The following SIPA1L3 variants were observed in gnomAD, a reference collection of about 807,000 sequenced individuals.
SIPA1L3 encodes signal induced proliferation associated 1 like 3.
Under a neutral mutation model 150.1 loss-of-function variants are expected in SIPA1L3, and 59 were observed. That is an observed-to-expected ratio of 0.39 (90% CI 0.32 to 0.49). The LOEUF (loss-of-function observed/expected upper bound fraction) is 0.49, where lower values mean the gene tolerates loss of function less well. Ranked by LOEUF, SIPA1L3 falls within the 20% of genes least tolerant of loss-of-function variation. The pLI is 0.86. For missense variants in SIPA1L3, 2,211 were observed against 2,489.5 expected (o/e 0.89, Z 2.38); for synonymous variants, 1,070 against 1,077.6 (o/e 0.99, Z 0.14).
intron 1 of SIPA1L3, among the ~76,000 whole-genome samples, chr19:37,996,805 C>T (rs112840081): frequency 3.0e-4 from 46 of 152,102 alleles, no homozygotes; most frequent in Non-Finnish European, 5.6e-4. Flanking sequence ...AAGCAATTCT[C>T]CCTGCCTTAA....
At chr19:37,985,786 G>T (rs1005646369) in intron 1 of SIPA1L3, among the ~76,000 whole-genome samples, 2 of 152,170 alleles carry the variant, frequency 1.3e-5, no homozygotes, top group Non-Finnish European at 2.9e-5. Flanking sequence ...GAAGAGAGGT[G>T]GTGGGCCCAG....
intron 4 of SIPA1L3, among the ~76,000 whole-genome samples, chr19:38,089,806 G>C (rs1970221538): frequency 6.6e-6 from 1 of 152,248 alleles, no homozygotes; most frequent in African/African-American, 2.4e-5. Flanking sequence ...GTCAGAAATA[G>C]CATTCATTGG....
intron 1 of SIPA1L3, among the ~76,000 whole-genome samples, chr19:38,018,233 G>A (rs1337666001): frequency 2.2e-5 from 3 of 135,738 alleles, no homozygotes; most frequent in African/African-American, 5.8e-5. Context: ...GTATGATCTC[G>A]GCTCATGGTA....
chr19:38,163,501 A>C lies in SIPA1L3; in HGVS notation c.3781-978A>C, dbSNP rs923290132. Among the ~76,000 whole-genome samples, 5 of 151,748 alleles carry C rather than the reference A, an allele frequency of 3.3e-5. No homozygotes were observed. The South Asian group carries it at 8.4e-4, about 25-fold the overall frequency. On this transcript the variant is annotated intron_variant, in intron 14 of 21. Transcript: ENST00000222345. ...TGAGACTCTATCTCAAAAAAAAAAA[A>C]AAAAAAAAAACAGTCCAGGGGAGAG...
intron 16 of SIPA1L3, among the ~76,000 whole-genome samples, chr19:38,191,771 A>C (rs1972808610): frequency 6.6e-6 from 1 of 151,540 alleles, no homozygotes; most frequent in Admixed American, 6.6e-5. Context: ...ATATCACACC[A>C]CTGCACTCCA....
chr19:37,959,718 T>C (rs1439965916), intron 1 of SIPA1L3, among the ~76,000 whole-genome samples: 1 of 152,182 alleles, frequency 6.6e-6, no homozygotes, highest in Non-Finnish European at 1.5e-5. Context: ...ATGCCTCACA[T>C]CTTTTTTCCT....
intron 1 of SIPA1L3, among the ~76,000 whole-genome samples, chr19:38,003,115 G>A (rs887868944): frequency 6.6e-6 from 1 of 152,154 alleles, no homozygotes; most frequent in Non-Finnish European, 1.5e-5. Flanking sequence ...ACTCCAGCCT[G>A]GGCAACAGAG....
intron 9 of SIPA1L3, among the ~76,000 whole-genome samples, chr19:38,126,412 T>C (rs1971173440): frequency 6.6e-6 from 1 of 152,194 alleles, no homozygotes; most frequent in African/African-American, 2.4e-5. Context: ...AAGAGGGCTT[T>C]GAATGGCACC....
intron 3 of SIPA1L3, among the ~76,000 whole-genome samples, chr19:38,087,055 C>T (rs1053008526): frequency 7.2e-5 from 11 of 152,172 alleles, no homozygotes. Context: ...TCTTGCTAAA[C>T]TGACTTAGCG....
chr19:38,123,264 G>GTTT (rs61656606), intron 9 of SIPA1L3, among the ~76,000 whole-genome samples: 1 of 129,188 alleles, frequency 7.7e-6, no homozygotes, highest in African/African-American at 2.8e-5. Context: ...TTTTTTTTTT[G>GTTT]TTTTTTTTGT....
At chr19:37,950,468 G>A (rs2145551536) in intron 1 of SIPA1L3, among the ~76,000 whole-genome samples, 1 of 152,302 alleles carries the variant, frequency 6.6e-6, no homozygotes, top group African/African-American at 2.4e-5. Flanking sequence ...CATCTGCGTA[G>A]TAAGGACAAG....
intron 2 of SIPA1L3, among the ~76,000 whole-genome samples, chr19:38,054,675 C>A (rs1969277603): frequency 6.6e-6 from 1 of 152,204 alleles, no homozygotes; most frequent in South Asian, 2.1e-4. Flanking sequence ...CTCTTGGTCA[C>A]AAGGAGAGGC....
intron 1 of SIPA1L3, among the ~76,000 whole-genome samples, chr19:38,018,453 C>T (rs892288126): frequency 2.0e-5 from 3 of 152,088 alleles, no homozygotes; most frequent in African/African-American, 7.2e-5. Flanking sequence ...CACCCAGCCA[C>T]GAATTTACTT....
chr19:37,931,589 A>C (rs936458742), intron 1 of SIPA1L3, among the ~76,000 whole-genome samples: 7 of 145,560 alleles, frequency 4.8e-5, no homozygotes, highest in African/African-American at 1.7e-4. Context: ...TTTAATAAAA[A>C]TAAAAAAAAA....
At chr19:37,942,134 A>G (rs1379220702) in intron 1 of SIPA1L3, among the ~76,000 whole-genome samples, 1 of 152,170 alleles carries the variant, frequency 6.6e-6, no homozygotes, top group African/African-American at 2.4e-5. Context: ...ATATTTACTG[A>G]ACATCACATA....
At chr19:38,176,747 G>A (rs948794198) in intron 15 of SIPA1L3, among the ~76,000 whole-genome samples, 3 of 151,938 alleles carry the variant, frequency 2.0e-5, no homozygotes, top group Admixed American at 6.6e-5. Context: ...CAAGGCAGGT[G>A]GATCACCTGA....
intron 18 of SIPA1L3, among the ~76,000 whole-genome samples, chr19:38,195,534 G>A (rs968249434): frequency 1.3e-5 from 2 of 152,188 alleles, no homozygotes; most frequent in East Asian, 1.9e-4. Flanking sequence ...CTCCTTCCTC[G>A]GCCTCTCCTC....
intron 1 of SIPA1L3, among the ~76,000 whole-genome samples, chr19:37,935,643 C>T (rs1300854747): frequency 6.6e-6 from 1 of 152,160 alleles, no homozygotes; most frequent in Non-Finnish European, 1.5e-5. Flanking sequence ...CATGGCTTTA[C>T]TGAAATGGCA....
At chr19:38,015,380 T>C (rs1476235831) in intron 1 of SIPA1L3, among the ~76,000 whole-genome samples, 1 of 152,188 alleles carries the variant, frequency 6.6e-6, no homozygotes, top group African/African-American at 2.4e-5. Context: ...TTGCCTTCCA[T>C]GTCATTGTTC....
Sources: gnomAD v4.1 joint callset for allele counts (sites outside exome capture counted in the v4.1 genomes callset) on GRCh38, gnomAD v4.1.1 for gene constraint, MANE v1.5 for transcripts, NCBI Gene and HGNC (gene_info 2026-07-23, HGNC 2026-07-21) for gene names.